Variants in PRRT2 observed in about 807,000 individuals in gnomAD.
PRRT2 encodes the protein proline rich transmembrane protein 2.
In PRRT2, 9 loss-of-function variants were observed where a neutral mutation model predicts 24.7. The observed-to-expected ratio is 0.36, with a 90% CI of 0.22 to 0.64. The LOEUF (loss-of-function observed/expected upper bound fraction) is 0.64, where lower values mean the gene tolerates loss of function less well. Ranked by LOEUF, PRRT2 falls within the 30% of genes least tolerant of loss-of-function variation. PRRT2 has a pLI of 0.65. For synonymous variants in PRRT2, 195 were observed against 175.5 expected (o/e 1.11, Z -0.88); for missense variants, 460 against 435.0 (o/e 1.06, Z -0.51).
Position 29,813,702 on chromosome 16 carries a change from C to A in PRRT2, c.648C>A (p.Pro216=), listed in dbSNP as rs772805935. The stretch of plus-strand genomic sequence containing the variant: ...CCCCCCCAGCCAATGGGGCCCCCCC[C>A]CGAGTGCTGCAGCAGCTGGTTGAGG... ...KKSPPANGAP[P]RVLQQLVEED... Residue 216 remains proline (P), a synonymous_variant, in exon 2 of 4, where the codon CCC becomes CCA. Coordinates refer to ENST00000358758, the MANE Select transcript of PRRT2 (RefSeq NM_145239.3). 2 of 1,581,946 alleles carry A rather than the reference C, an allele frequency of 1.3e-6. No individual in the cohort carries two copies. Among genetic ancestry groups the A allele is most frequent in the Admixed American group, 1.8e-5 (1 of 56,356 alleles).
Position 29,814,778 on chromosome 16 carries a change from C to T in PRRT2, c.*140C>T. The T allele has an allele frequency of 1.2e-6, 1 of 867,512 alleles. No individual in the cohort carries two copies. The highest frequency in any genetic ancestry group is 1.7e-5 in the South Asian group (1 of 59,264). The allele number at this position is 867,512 out of a possible 1,614,324, so 53.7% of individuals were successfully genotyped here. The stretch of plus-strand genomic sequence containing the variant: ...GGAGCCTGAGCGGCCTTGTTTACAG[C>T]TTCTGTCCTGCTCCTGCATCTTGCC... On this transcript the variant is annotated 3_prime_UTR_variant, in exon 4 of 4. Transcript: ENST00000358758. This position sits in a 1 kb window ranked among gnomAD's most constrained non-coding sequence, Gnocchi z 4.1.
Position 29,814,183 on chromosome 16 carries a change from T to C in PRRT2, c.880-150T>C, listed in dbSNP as rs1596893609. ...ACAGCCTCGCTGACCTGTGCCCTCC[T>C]CCCCCTGCCCCTTCACTCCTCCTTC... On this transcript the variant is annotated intron_variant, in intron 2 of 3. Coordinates refer to ENST00000358758, the MANE Select transcript of PRRT2 (RefSeq NM_145239.3). This position sits in a 1 kb window ranked among gnomAD's most constrained non-coding sequence, Gnocchi z 4.1. 1 of 1,492,650 alleles carries C rather than the reference T, an allele frequency of 6.7e-7. No homozygotes were observed. Among genetic ancestry groups the C allele is most frequent in the South Asian group, 1.4e-5 (1 of 73,648 alleles). 92.5% of individuals were successfully genotyped at this position (1,492,650 alleles called of 1,614,324 possible).
chr16:29,813,423 G>T lies in PRRT2; in HGVS notation c.369G>T (p.Gly123=), dbSNP rs1057521000. The T allele has an allele frequency of 2.5e-6, 4 of 1,614,108 alleles. No homozygotes were observed. The highest frequency in any genetic ancestry group is 3.4e-6 in the Non-Finnish European group (4 of 1,180,000). Residue 123 remains glycine (G), a synonymous_variant, in exon 2 of 4, where the codon GGG becomes GGT. Transcript: ENST00000358758. ...EVSKEATADQ[G]SRLESAAPPE... ...GCAAAGAGGCCACTGCAGACCAGGG[G>T]TCCAGGCTGGAGTCTGCAGCCCCAC...
Position 29,814,927 on chromosome 16 carries a change from A to G in PRRT2, c.*289A>G, listed in dbSNP as rs1900172937. ...CCTGCACTTCTGGAAACCTCCCTGC[A>G]CTCTGGAAACCTCCCTGAACACCTC... On this transcript the variant is annotated 3_prime_UTR_variant, in exon 4 of 4. Transcript: ENST00000358758. The surrounding 1 kb of genome is among the most constrained non-coding windows in gnomAD (Gnocchi z 4.1). 4.6e-6 allele frequency: 2 copies of G among 438,808 alleles called. No individual in the cohort carries two copies. Among genetic ancestry groups the G allele is most frequent in the African/African-American group, 2.1e-5 (1 of 48,336 alleles). The allele number at this position is 438,808 out of a possible 1,614,324, so 27.2% of individuals were successfully genotyped here. A position where few individuals can be genotyped will look rare whatever the true frequency, so the allele number is the denominator to read the frequency against.
chr16:29,814,405 A>G lies in PRRT2; in HGVS notation c.952A>G (p.Ile318Val). Residue 318 changes from isoleucine (I) to valine (V), a missense_variant, in exon 3 of 4, where the codon ATC (isoleucine) becomes GTC (valine). Transcript: ENST00000358758. The surrounding 1 kb of genome is among the most constrained non-coding windows in gnomAD (Gnocchi z 4.1). ...GGGCCGGGTAGCCAAGCTCTTAAGC[A>G]TCGTGGCGCTGGTGGGGGGAGTCCT... Reference protein sequence around the residue: ...RLGRVAKLLSIVALVGGVLII... With the variant: ...RLGRVAKLLSVVALVGGVLII... 1 of 1,610,466 alleles carries G rather than the reference A, an allele frequency of 6.2e-7. No individual in the cohort carries two copies. The highest frequency in any genetic ancestry group is 8.5e-7 in the Non-Finnish European group (1 of 1,178,496).
chr16:29,813,290 C>T lies in PRRT2; in HGVS notation c.236C>T (p.Ser79Leu), dbSNP rs750974008. 16 of 1,614,022 alleles carry T rather than the reference C, an allele frequency of 9.9e-6. No homozygotes were observed. The East Asian group carries it at 2.9e-4, about 29-fold the overall frequency. Residue 79 changes from serine (S) to leucine (L), a missense_variant, in exon 2 of 4, where the codon TCA (serine) becomes TTA (leucine). Ser to Leu is a moderately radical substitution (Grantham distance 145). Transcript: ENST00000358758. The stretch of plus-strand genomic sequence containing the variant: ...ACCACAGAGACCCCGGCTGGGGCCT[C>T]AGAAACAGCCCAGGCCACAGACCTC... ...PETTETPAGA[S>L]ETAQATDLSL...
At position 29,814,866 on chromosome 16, in the gene PRRT2, A is replaced by C. The variant is rs1900168777; in HGVS notation, c.*228A>C. 1.9e-6 allele frequency: 1 copy of C among 522,954 alleles called. No individual in the cohort carries two copies. Among genetic ancestry groups the C allele is most frequent in the Non-Finnish European group, 3.3e-6 (1 of 298,944 alleles). The allele number at this position is 522,954 out of a possible 1,614,324, so 32.4% of individuals were successfully genotyped here. A position where few individuals can be genotyped will look rare whatever the true frequency, so the allele number is the denominator to read the frequency against. On this transcript the variant is annotated 3_prime_UTR_variant, in exon 4 of 4. Coordinates refer to ENST00000358758, the MANE Select transcript of PRRT2 (RefSeq NM_145239.3). This position sits in a 1 kb window ranked among gnomAD's most constrained non-coding sequence, Gnocchi z 4.1. ...CACTGGTTCCAACCTCCCTGCACTA[A>C]TGCCTGCATCCCCTCCGGCCTCTTG...
intron 1 of PRRT2, among the ~76,000 whole-genome samples, 167 bp from the exon 2 acceptor site, chr16:29,812,823 C>T (rs1445302417): frequency 6.6e-6 from 1 of 151,834 alleles, no homozygotes; most frequent in African/African-American, 2.4e-5. Flanking sequence ...GTAGAGCACT[C>T]CTCCCGCAGG....
chr16:29,813,674 A>G lies in PRRT2; in HGVS notation c.620A>G (p.Lys207Arg). The G allele has an allele frequency of 6.2e-7, 1 of 1,606,002 alleles. No individual in the cohort carries two copies. The highest frequency in any genetic ancestry group is 8.5e-7 in the Non-Finnish European group (1 of 1,175,844). ...GAGCCTCACTCACCACCCTCAAAAA[A>G]ATCCCCCCCAGCCAATGGGGCCCCC... ...APEPHSPPSK[K>R]SPPANGAPPR... Residue 207 changes from lysine (K) to arginine (R), a missense_variant, in exon 2 of 4, where the codon AAA becomes AGA. Lys to Arg is a conservative substitution (Grantham distance 26, BLOSUM62 2). Around this residue, in one of 3 missense-constraint regions of PRRT2, gnomAD observed 378 missense variants for 324.6 expected, o/e 1.16. Coordinates refer to ENST00000358758, the MANE Select transcript of PRRT2 (RefSeq NM_145239.3).
rs17850746 is a variant in PRRT2, at chr16:29,813,506, C to T, written c.452C>T (p.Thr151Ile). Reference protein sequence around the residue: ...QPDPRPDSQPTPKPALQPELP... With the variant: ...QPDPRPDSQPIPKPALQPELP... ...GACCCCCGGCCAGATTCCCAGCCTA[C>T]CCCCAAGCCAGCCCTTCAACCAGAG... Residue 151 changes from threonine to isoleucine, a missense_variant, in exon 2 of 4, where the codon ACC becomes ATC. By Grantham distance (89) the Thr-to-Ile change is moderately conservative. This residue lies in a region of PRRT2 where 378 missense variants were observed against 324.6 expected (regional missense o/e 1.16). Transcript: ENST00000358758. 2 of 1,613,606 alleles carry T rather than the reference C, an allele frequency of 1.2e-6. No individual in the cohort carries two copies. Among genetic ancestry groups the T allele is most frequent in the East Asian group, 2.2e-5 (1 of 44,866 alleles).
Position 29,812,324 on chromosome 16 carries a change from G to A in PRRT2, c.-66+1G>A, listed in dbSNP as rs796052939. The stretch of plus-strand genomic sequence containing the variant: ...GAGCTGTCCGGAGGCCGGCGTCGAG[G>A]TGAGACCCGGGCAGACTGAGGCTGC... On this transcript the variant is annotated splice_donor_variant, in intron 1 of 3. Coordinates refer to ENST00000358758, the MANE Select transcript of PRRT2 (RefSeq NM_145239.3). LOFTEE classifies it low-confidence loss of function (5UTR_SPLICE). 3 of 156,514 alleles carry A rather than the reference G, an allele frequency of 1.9e-5. No homozygotes were observed. The highest frequency in any genetic ancestry group is 2.8e-5 in the Non-Finnish European group (2 of 70,632). The allele number at this position is 156,514 out of a possible 1,614,324, so 9.7% of individuals were successfully genotyped here.
Position 29,814,190 on chromosome 16 carries a change from G to A in PRRT2, c.880-143G>A. 6.7e-7 allele frequency: 1 copy of A among 1,491,646 alleles called. No homozygotes were observed. The highest frequency in any genetic ancestry group is 8.9e-7 in the Non-Finnish European group (1 of 1,129,874). 92.4% of individuals were successfully genotyped at this position (1,491,646 alleles called of 1,614,324 possible). On this transcript the variant is annotated intron_variant, in intron 2 of 3. Transcript: ENST00000358758. The surrounding 1 kb of genome is among the most constrained non-coding windows in gnomAD (Gnocchi z 4.1). ...CGCTGACCTGTGCCCTCCTCCCCCT[G>A]CCCCTTCACTCCTCCTTCCTCCCTT...
chr16:29,814,514 G>C lies in PRRT2; in HGVS notation c.1012+49G>C, dbSNP rs1356906976. 6.2e-7 allele frequency: 1 copy of C among 1,606,914 alleles called. No individual in the cohort carries two copies. On this transcript the variant is annotated intron_variant, in intron 3 of 3. Coordinates refer to ENST00000358758, the MANE Select transcript of PRRT2 (RefSeq NM_145239.3). The surrounding 1 kb of genome is among the most constrained non-coding windows in gnomAD (Gnocchi z 4.1). ...AGGGGAGGAATGGAAGGGTTGGCAAGGGCAGCTTTACTAACCCCTGCCCCT... is the reference window on the plus strand; with the variant it reads ...AGGGGAGGAATGGAAGGGTTGGCAACGGCAGCTTTACTAACCCCTGCCCCT...
In PRRT2 at chr16:29,813,111, G is replaced by C. The variant is rs759681485; in HGVS notation, c.57G>C (p.Lys19Asn). The C allele has an allele frequency of 6.2e-7, 1 of 1,613,860 alleles. No homozygotes were observed. The highest frequency in any genetic ancestry group is 1.1e-5 in the South Asian group (1 of 91,072). The change falls in exon 2 of 4, where the codon AAG (lysine) becomes AAC (asparagine). Residue 19 changes from lysine (K) to asparagine (N), a missense_variant. Transcript: ENST00000358758. ...SEMKGVEESPKVPGEGPGHSE... is the reference protein window; with the variant it reads ...SEMKGVEESPNVPGEGPGHSE... The stretch of plus-strand genomic sequence containing the variant: ...TGAAGGGGGTTGAGGAGAGTCCCAA[G>C]GTTCCAGGCGAAGGGCCTGGCCATT...
chr16:29,813,377 C>G lies in PRRT2; in HGVS notation c.323C>G (p.Thr108Arg), dbSNP rs1373243820. The change falls in exon 2 of 4, where the codon ACA (threonine) becomes AGA (arginine). Residue 108 changes from threonine to arginine, a missense_variant. Around this residue, in one of 3 missense-constraint regions of PRRT2, gnomAD observed 378 missense variants for 324.6 expected, o/e 1.16. Coordinates refer to ENST00000358758, the MANE Select transcript of PRRT2 (RefSeq NM_145239.3). ...AGCCCCGAAGACCCATGCCAAGAAA[C>G]AGTGTCCAAACCAGAAGTGAGCAAA... Reference protein sequence around the residue: ...NCSPEDPCQETVSKPEVSKEA... With the variant: ...NCSPEDPCQERVSKPEVSKEA... 2.5e-6 allele frequency: 4 copies of G among 1,614,074 alleles called. No individual in the cohort carries two copies. The South Asian group carries it at 3.3e-5, about 13-fold the overall frequency.
Position 29,814,308 on chromosome 16 carries a change from C to A in PRRT2, c.880-25C>A. ...GGCTTCTCCTGACCCCGGCTATGTG[C>A]CTCCACCCCTCGCCCTAACCCCAGT... On this transcript the variant is annotated intron_variant, in intron 2 of 3. Coordinates refer to ENST00000358758, the MANE Select transcript of PRRT2 (RefSeq NM_145239.3). The surrounding 1 kb of genome is among the most constrained non-coding windows in gnomAD (Gnocchi z 4.1). 1 of 1,569,862 alleles carries A rather than the reference C, an allele frequency of 6.4e-7. No homozygotes were observed. Among genetic ancestry groups the A allele is most frequent in the Non-Finnish European group, 8.6e-7 (1 of 1,166,232 alleles).
In PRRT2 at chr16:29,813,237, A is replaced by G. The variant is rs775396962; in HGVS notation, c.183A>G (p.Ser61=). 52 of 1,613,784 alleles carry G rather than the reference A, an allele frequency of 3.2e-5. No individual in the cohort carries two copies. The highest frequency in any genetic ancestry group is 4.1e-5 in the Non-Finnish European group (48 of 1,179,974). The change falls in exon 2 of 4, where the codon TCA becomes TCG. Residue 61 remains serine, a synonymous_variant. Coordinates refer to ENST00000358758, the MANE Select transcript of PRRT2 (RefSeq NM_145239.3). ...GPNTTAAPVD[S]GPKAGLAPET... is the part of the protein sequence containing the mutation. ...ACACCACTGCGGCCCCTGTGGACTC[A>G]GGGCCCAAGGCTGGGCTGGCTCCAG...
rs1482426038 is a variant in PRRT2 at position 29,814,434 on chromosome 16, C to G, written c.981C>G (p.Ile327Met). The change falls in exon 3 of 4, where the codon ATC becomes ATG. Residue 327 changes from isoleucine (I) to methionine (M), a missense_variant. Physicochemically the swap from Ile to Met is conservative, Grantham distance 10 (BLOSUM62 1). Coordinates refer to ENST00000358758, the MANE Select transcript of PRRT2 (RefSeq NM_145239.3). The surrounding 1 kb of genome is among the most constrained non-coding windows in gnomAD (Gnocchi z 4.1). The stretch of plus-strand genomic sequence containing the variant: ...TGGCGCTGGTGGGGGGAGTCCTCAT[C>G]ATCATCGCCTCCTGCGTCATCAACT... ...SIVALVGGVL[I>M]IIASCVINLG... is the part of the protein sequence containing the mutation. The G allele has an allele frequency of 3.7e-6, 6 of 1,605,526 alleles. No individual in the cohort carries two copies. The East Asian group carries it at 1.3e-4, about 36-fold the overall frequency.
rs937466648 is a variant in PRRT2, at chr16:29,814,225, C to G, written c.880-108C>G. ...TCCTCCTTCCTCCCTTACCCGCCAT[C>G]TATGGGGCTGGCCTCTCTCTCTTCT... is the stretch of plus-strand genomic sequence containing the variant. On this transcript the variant is annotated intron_variant, in intron 2 of 3. Coordinates refer to ENST00000358758, the MANE Select transcript of PRRT2 (RefSeq NM_145239.3). The surrounding 1 kb of genome is among the most constrained non-coding windows in gnomAD (Gnocchi z 4.1). 6.7e-7 allele frequency: 1 copy of G among 1,496,640 alleles called. No homozygotes were observed. The highest frequency in any genetic ancestry group is 2.3e-5 in the Admixed American group (1 of 43,788). The allele number at this position is 1,496,640 out of a possible 1,614,324, so 92.7% of individuals were successfully genotyped here.
Sources: allele counts gnomAD v4.1 joint callset (sites outside exome capture counted in the v4.1 genomes callset), GRCh38; gene constraint gnomAD v4.1.1; regional missense constraint gnomAD v4.1.1; non-coding constraint Gnocchi (gnomAD v3.1); transcripts MANE v1.5; gene names NCBI Gene and HGNC (gene_info 2026-07-23, HGNC 2026-07-21).